SLC39A12: variants seen among roughly 807,000 people sequenced by gnomAD.
The protein encoded by SLC39A12 is solute carrier family 39 member 12, also known as zinc transporter ZIP12.
SLC39A12 carries 63 observed loss-of-function variants against 71.1 expected under a neutral mutation model. The observed-to-expected ratio is 0.89, with a 90% CI of 0.72 to 1.09. The LOEUF is 1.09. SLC39A12 is among the 50% of genes least tolerant of loss of function. The probability of loss-of-function intolerance (pLI) is 0.00; values close to 1 mark genes in which losing one functional copy is unlikely to be tolerated. For missense variants in SLC39A12, 892 were observed against 812.6 expected, an observed-to-expected ratio of 1.10 and a Z score of -1.19; for synonymous variants, 351 against 301.3, an observed-to-expected ratio of 1.16 and a Z score of -1.71.
At chr10:17,966,205 A>C (rs1389372833) in intron 4 of SLC39A12, among the ~76,000 whole-genome samples, 1 of 152,200 alleles carries the variant, frequency 6.6e-6, no homozygotes, top group African/African-American at 2.4e-5. Context: ...TCAGAACTGG[A>C]ATTAGAATGT....
chr10:17,988,910 C>T (rs1835472702), intron 7 of SLC39A12, among the ~76,000 whole-genome samples: 1 of 151,876 alleles, frequency 6.6e-6, no homozygotes, highest in African/African-American at 2.4e-5. Flanking sequence ...GCCTCATTAT[C>T]CTTTCTTTAT....
chr10:17,966,424 C>T (rs2130786187), intron 4 of SLC39A12, among the ~76,000 whole-genome samples: 1 of 152,186 alleles, frequency 6.6e-6, no homozygotes, highest in East Asian at 1.9e-4. Flanking sequence ...AAGCCTCCCA[C>T]TCCAGCCTCC....
At chr10:17,957,407 A>G (rs1834578494) in intron 2 of SLC39A12, among the ~76,000 whole-genome samples, 1 of 152,174 alleles carries the variant, frequency 6.6e-6, no homozygotes, top group Non-Finnish European at 1.5e-5. Flanking sequence ...ATTTCCTTAT[A>G]AAGTCATTAA....
At chr10:17,954,520 C>A (rs1834489381) in intron 2 of SLC39A12, among the ~76,000 whole-genome samples, 1 of 152,122 alleles carries the variant, frequency 6.6e-6, no homozygotes, top group African/African-American at 2.4e-5. Flanking sequence ...TCCCAAAGTG[C>A]TGGGATTACA....
rs544111865 is a variant in SLC39A12 at position 17,959,961 on chromosome 10, T to C, written c.262-1620T>C. 3.8e-4 allele frequency among the ~76,000 whole-genome samples: 58 copies of C among 152,278 alleles called. 1 individual carries two copies. Among genetic ancestry groups the C allele is most frequent in the African/African-American group, 1.3e-3 (56 of 41,556 alleles). On this transcript the variant is annotated intron_variant, in intron 2 of 12. Coordinates refer to ENST00000377369, the MANE Select transcript of SLC39A12 (RefSeq NM_001145195.2). ...ATTAACAGGAGAAATAGCACACACA[T>C]TTGATGTTAATATTTTTATGTGGAA...
chr10:17,983,742 A>G (rs1835330888), intron 6 of SLC39A12, among the ~76,000 whole-genome samples: 1 of 152,130 alleles, frequency 6.6e-6, no homozygotes, highest in Admixed American at 6.5e-5. Context: ...AGATTGCACC[A>G]TTGCACTCCA....
chr10:17,981,444 A>C lies in SLC39A12; in HGVS notation c.1057A>C (p.Lys353Gln). 1 of 1,613,690 alleles carries C rather than the reference A, an allele frequency of 6.2e-7. No homozygotes were observed. The highest frequency in any genetic ancestry group is 8.5e-7 in the Non-Finnish European group (1 of 1,179,778). Reference sequence around the variant, plus strand: ...CCTCAGCTGCTCCTGCCACTTACCCAAGGACCAACAAGCAAAGCTGCCACC... The same window carrying C: ...CCTCAGCTGCTCCTGCCACTTACCCCAGGACCAACAAGCAAAGCTGCCACC... ...QLLSCSCHLPKDQQAKLPPTT... is the reference protein window; with the variant it reads ...QLLSCSCHLPQDQQAKLPPTT... Residue 353 changes from lysine to glutamine, a missense_variant, in exon 6 of 13, where the codon AAG (lysine) becomes CAG (glutamine). Physicochemically the swap from Lys to Gln is moderately conservative, Grantham distance 53. Transcript: ENST00000377369.
At chr10:17,952,234 G>A (rs1451662831) in intron 1 of SLC39A12, among the ~76,000 whole-genome samples, 4 of 152,074 alleles carry the variant, frequency 2.6e-5, no homozygotes, top group African/African-American at 4.8e-5. Flanking sequence ...GCCATCAACA[G>A]AAAGATAATT....
intron 5 of SLC39A12, among the ~76,000 whole-genome samples, chr10:17,980,504 C>T (rs2478569): frequency 0.45 from 68,995 of 151,982 alleles, 16,194 homozygotes; most frequent in East Asian, 0.62. Context: ...GTCATTCTCA[C>T]TCACCTACTA....
rs776667474 is a variant in SLC39A12 at position 17,987,613 on chromosome 10, A to G, written c.1231A>G (p.Thr411Ala). ...LQLFVGLAVGTLSGDALLHLI... is the reference protein window; with the variant it reads ...LQLFVGLAVGALSGDALLHLI... Reference sequence around the variant, plus strand: ...GCTGTTTGTGGGCTTGGCCGTCGGGACACTGTCTGGGGACGCTCTGCTCCA... The same window carrying G: ...GCTGTTTGTGGGCTTGGCCGTCGGGGCACTGTCTGGGGACGCTCTGCTCCA... The change falls in exon 7 of 13, where the codon ACA (threonine) becomes GCA (alanine). Residue 411 changes from threonine to alanine, a missense_variant. Physicochemically the swap from Thr to Ala is moderately conservative, Grantham distance 58 (BLOSUM62 0). Transcript: ENST00000377369. The G allele has an allele frequency of 1.2e-6, 2 of 1,614,082 alleles. No homozygotes were observed. Among genetic ancestry groups the G allele is most frequent in the Non-Finnish European group, 8.5e-7 (1 of 1,180,010 alleles).
intron 4 of SLC39A12, among the ~76,000 whole-genome samples, chr10:17,970,674 T>TTGTGTGTG (rs61528284): frequency 1.1e-4 from 16 of 145,524 alleles, no homozygotes; most frequent in East Asian, 6.2e-4. Context: ...TTCTAATAGT[T>TTGTGTGTG]TGTGTGTGTG....
chr10:17,952,747 A>AG (rs1210476183), intron 1 of SLC39A12, among the ~76,000 whole-genome samples: 3 of 152,138 alleles, frequency 2.0e-5, no homozygotes, highest in African/African-American at 7.2e-5. Context: ...TCAGCCTCCC[A>AG]AAGTGCTGGG....
At chr10:18,033,572 T>C (rs1836913271) in intron 12 of SLC39A12, among the ~76,000 whole-genome samples, 1 of 144,358 alleles carries the variant, frequency 6.9e-6, no homozygotes, top group South Asian at 2.3e-4. Context: ...TAGCGGTCTA[T>C]CAATTTTGTT....
intron 12 of SLC39A12, among the ~76,000 whole-genome samples, chr10:18,006,660 C>G (rs1346993107): frequency 3.9e-5 from 6 of 152,174 alleles, no homozygotes; most frequent in African/African-American, 1.4e-4. Context: ...TGATGAGGCT[C>G]AAGAAATATG....
At chr10:17,976,993 T>C (rs551828530) in intron 4 of SLC39A12, among the ~76,000 whole-genome samples, 1 of 152,300 alleles carries the variant, frequency 6.6e-6, no homozygotes, top group Non-Finnish European at 1.5e-5. Flanking sequence ...CTTTTTTCTT[T>C]CTGTTCTTTA....
At chr10:18,007,305 TGTGTATC>T (rs1352956822) in intron 12 of SLC39A12, 1 of 152,190 alleles carries the variant, frequency 6.6e-6, no homozygotes, top group Non-Finnish European at 1.5e-5. Flanking sequence ...CTTGTTAGGC[TGTGTATC>T]CTCTAGTTGC....
At chr10:17,987,202 G>C (rs560322519) in intron 6 of SLC39A12, among the ~76,000 whole-genome samples, 2 of 152,212 alleles carry the variant, frequency 1.3e-5, no homozygotes, top group African/African-American at 4.8e-5. Context: ...AGGCATGATG[G>C]TGTGCACCTG....
chr10:18,033,269 C>G (rs1253319040), intron 12 of SLC39A12, among the ~76,000 whole-genome samples: 3 of 148,356 alleles, frequency 2.0e-5, no homozygotes, highest in Non-Finnish European at 3.0e-5. Flanking sequence ...GGCTGTGAAT[C>G]CATCTGGTCC....
intron 2 of SLC39A12, among the ~76,000 whole-genome samples, chr10:17,955,655 G>A (rs576063922): frequency 7.9e-5 from 12 of 152,294 alleles, no homozygotes; most frequent in African/African-American, 2.6e-4. Flanking sequence ...AAAGAGGGAA[G>A]TAGGTATCTT....
Sources: allele counts gnomAD v4.1 joint callset (sites outside exome capture counted in the v4.1 genomes callset), GRCh38; gene constraint gnomAD v4.1.1; transcripts MANE v1.5; gene names NCBI Gene and HGNC (gene_info 2026-07-23, HGNC 2026-07-21).